Variants in CD55 observed in about 807,000 individuals in gnomAD.
CD55 encodes the protein CD55 molecule (Cromer blood group).
Under a neutral mutation model 45.8 loss-of-function variants are expected in CD55, and 41 were observed. The ratio of observed to expected loss-of-function variants is 0.90; its 90% CI spans 0.70 to 1.16. CD55 has a LOEUF of 1.16. CD55 is among the 50% of genes most tolerant of loss of function. The pLI, the probability that CD55 is intolerant of heterozygous loss-of-function variation, is 0.00. For synonymous variants in CD55, 181 were observed against 181.1 expected (o/e 1.00, Z 0.01); for missense variants, 416 against 469.8 (o/e 0.89, Z 1.06).
At position 207,337,382 on chromosome 1, in the gene CD55, C is replaced by G; in HGVS notation, c.1033C>G (p.Pro345Ala). Residue 345 changes from proline (P) to alanine (A), a missense_variant, in exon 8 of 10, where the codon CCA (proline) becomes GCA (alanine). Pro to Ala is a conservative substitution (Grantham distance 27). Around this residue, in one of 3 missense-constraint regions of CD55, gnomAD observed 182 missense variants for 201.4 expected, o/e 0.90. Coordinates refer to ENST00000367064, the MANE Select transcript of CD55 (RefSeq NM_000574.5). ...AACCAAGCATTTTCATGAAACAACCCCAAATAAAGGAAGTGGAACCACTTC... is the reference window on the plus strand; with the variant it reads ...AACCAAGCATTTTCATGAAACAACCGCAAATAAAGGAAGTGGAACCACTTC... ...RTTKHFHETT[P>A]NKGSGTTSGT... 6.2e-7 allele frequency: 1 copy of G among 1,609,552 alleles called. No homozygotes were observed. The highest frequency in any genetic ancestry group is 8.5e-7 in the Non-Finnish European group (1 of 1,175,972).
chr1:207,331,138 A>C lies in CD55; in HGVS notation c.695A>C (p.Asp232Ala). 8 of 1,613,096 alleles carry C rather than the reference A, an allele frequency of 5.0e-6. No homozygotes were observed. The highest frequency in any genetic ancestry group is 5.9e-6 in the Non-Finnish European group (7 of 1,179,426). Residue 232 changes from aspartate to alanine, a missense_variant, in exon 6 of 10, where the codon GAC becomes GCC. Asp to Ala is a moderately radical substitution (Grantham distance 126, BLOSUM62 -2). Transcript: ENST00000367064. ...TATTGTCCAGCACCACCACAAATTG[A>C]CAATGGAATAATTCAAGGGGAACGT... ...EIYCPAPPQI[D>A]NGIIQGERDH...
intron 6 of CD55, among the ~76,000 whole-genome samples, chr1:207,333,723 A>G (rs1200676209): frequency 1.3e-5 from 2 of 152,220 alleles, no homozygotes; most frequent in Non-Finnish European, 2.9e-5. Flanking sequence ...TGAATATTCT[A>G]CAACTGGAAA....
At chr1:207,327,167 A>G (rs1654723182) in intron 5 of CD55, among the ~76,000 whole-genome samples, 1 of 152,166 alleles carries the variant, frequency 6.6e-6, no homozygotes, top group South Asian at 2.1e-4. Flanking sequence ...TCCGCCCCAC[A>G]ATTTTGTGTA....
intron 9 of CD55, among the ~76,000 whole-genome samples, chr1:207,350,879 T>C (rs1435602799): frequency 6.6e-6 from 1 of 152,176 alleles, no homozygotes; most frequent in Non-Finnish European, 1.5e-5. Flanking sequence ...TTATTTTTTT[T>C]CTTCTGCTAG....
rs781576624 is a variant in CD55, at chr1:207,322,376, C to G, written c.101-6C>G. The stretch of plus-strand genomic sequence containing the variant: ...ATTTCCTTCAGTTCTGCTTTTGTCT[C>G]CCTAGGTGACTGTGGCCTTCCCCCA... On this transcript the variant is annotated splice_region_variant and splice_polypyrimidine_tract_variant and intron_variant, in intron 1 of 9. Coordinates refer to ENST00000367064, the MANE Select transcript of CD55 (RefSeq NM_000574.5). The G allele has an allele frequency of 1.9e-6, 3 of 1,613,426 alleles. No individual in the cohort carries two copies. The highest frequency in any genetic ancestry group is 2.5e-6 in the Non-Finnish European group (3 of 1,179,366).
Position 207,360,266 on chromosome 1 carries a change from G to A in CD55, c.*656G>A, listed in dbSNP as rs554147467. 1.3e-5 allele frequency: 2 copies of A among 152,268 alleles called. No individual in the cohort carries two copies. Among genetic ancestry groups the A allele is most frequent in the East Asian group, 1.9e-4 (1 of 5,190 alleles). The allele number at this position is 152,268 out of a possible 1,614,324, so 9.4% of individuals were successfully genotyped here. On this transcript the variant is annotated 3_prime_UTR_variant, in exon 10 of 10. Transcript: ENST00000367064. ...TGAAAGGTGTCTTCTTTGACTTAAT[G>A]TCTTTAAAAGTATCCAGAGATACTA...
At chr1:207,345,836 C>T (rs1572894921) in intron 9 of CD55, among the ~76,000 whole-genome samples, 1 of 152,292 alleles carries the variant, frequency 6.6e-6, no homozygotes, top group African/African-American at 2.4e-5. Context: ...TGACTTTCAG[C>T]TGTAAATATC....
At chr1:207,325,390 A>T (rs1654630552) in intron 3 of CD55, among the ~76,000 whole-genome samples, 1 of 151,988 alleles carries the variant, frequency 6.6e-6, no homozygotes, top group African/African-American at 2.4e-5. Flanking sequence ...CAGATGATGA[A>T]TTTACATATA....
intron 9 of CD55, among the ~76,000 whole-genome samples, chr1:207,344,060 A>T (rs1655534013): frequency 6.6e-6 from 1 of 152,228 alleles, no homozygotes. Flanking sequence ...GTTTTCACAG[A>T]TGAGATGAAT....
chr1:207,349,619 A>G (rs919558103), intron 9 of CD55, among the ~76,000 whole-genome samples: 3 of 152,162 alleles, frequency 2.0e-5, no homozygotes, highest in Non-Finnish European at 4.4e-5. Flanking sequence ...CTGTATTCAT[A>G]GGTATTTTAT....
intron 3 of CD55, among the ~76,000 whole-genome samples, chr1:207,325,084 C>G (rs1163162697): frequency 6.6e-6 from 1 of 152,010 alleles, no homozygotes; most frequent in Admixed American, 6.6e-5. Flanking sequence ...CCTGTAATCC[C>G]AGCACTTTGG....
chr1:207,350,153 G>T, intron 9 of CD55: 1 of 453,248 alleles, frequency 2.2e-6, no homozygotes, highest in South Asian at 1.6e-5. Flanking sequence ...TTTATGTGAT[G>T]AATCACATTT....
At chr1:207,345,938 G>A (rs773597813) in intron 9 of CD55, among the ~76,000 whole-genome samples, 27 of 152,228 alleles carry the variant, frequency 1.8e-4, no homozygotes, top group African/African-American at 6.3e-4. Flanking sequence ...GCCAATGTTC[G>A]GACCCAAGTG....
chr1:207,322,443 T>G lies in CD55; in HGVS notation c.162T>G (p.Ser54Arg). The G allele has an allele frequency of 6.2e-7, 1 of 1,614,216 alleles. No individual in the cohort carries two copies. The highest frequency in any genetic ancestry group is 8.5e-7 in the Non-Finnish European group (1 of 1,180,018). The change falls in exon 2 of 10, where the codon AGT (serine) becomes AGG (arginine). Residue 54 changes from serine (S) to arginine (R), a missense_variant. By Grantham distance (110) the Ser-to-Arg change is moderately radical. Coordinates refer to ENST00000367064, the MANE Select transcript of CD55 (RefSeq NM_000574.5). ...NAQPALEGRTSFPEDTVITYK... is the reference protein window; with the variant it reads ...NAQPALEGRTRFPEDTVITYK... The stretch of plus-strand genomic sequence containing the variant: ...AGCCAGCTTTGGAAGGCCGTACAAG[T>G]TTTCCCGAGGATACTGTAATAACGT...
At chr1:207,355,573 T>C (rs1417009742) in intron 9 of CD55, among the ~76,000 whole-genome samples, 1 of 152,196 alleles carries the variant, frequency 6.6e-6, no homozygotes, top group Admixed American at 6.5e-5. Flanking sequence ...AAAAAGCATA[T>C]TCTGTAGGCA....
intron 8 of CD55, among the ~76,000 whole-genome samples, chr1:207,338,591 G>A (rs911697064): frequency 6.6e-6 from 1 of 151,894 alleles, no homozygotes; most frequent in Admixed American, 6.6e-5. Context: ...TTACTCTTAG[G>A]TACAATTAAT....
intron 1 of CD55, 43 bp from the exon 2 acceptor site, chr1:207,322,339 C>A: frequency 1.3e-6 from 2 of 1,531,812 alleles, no homozygotes; most frequent in Non-Finnish European, 1.8e-6. Context: ...ACTGTGAGGA[C>A]ACTTGATAGT....
intron 6 of CD55, among the ~76,000 whole-genome samples, chr1:207,335,348 C>A (rs1558148857): frequency 6.6e-6 from 1 of 152,070 alleles, no homozygotes; most frequent in Non-Finnish European, 1.5e-5. Flanking sequence ...GGCTATTTAC[C>A]AAAATTGACC....
chr1:207,338,854 G>C (rs1655295251), intron 8 of CD55, among the ~76,000 whole-genome samples: 1 of 152,100 alleles, frequency 6.6e-6, no homozygotes, highest in South Asian at 2.1e-4. Flanking sequence ...TGGCACTCTT[G>C]AGTCAATGTG....
Sources: allele counts gnomAD v4.1 joint callset (sites outside exome capture counted in the v4.1 genomes callset), GRCh38; gene constraint gnomAD v4.1.1; regional missense constraint gnomAD v4.1.1; transcripts MANE v1.5; gene names NCBI Gene and HGNC (gene_info 2026-07-23, HGNC 2026-07-21).